The following WWOX variants were observed in gnomAD, a reference collection of about 807,000 sequenced individuals.
WWOX encodes the protein WW domain-containing oxidoreductase.
Under a neutral mutation model 46.2 loss-of-function variants are expected in WWOX, and 69 were observed. The observed-to-expected ratio is 1.49, with a 90% CI of 1.23 to 1.82. WWOX has a LOEUF of 1.82. Among genes scored for constraint, WWOX ranks in the 40% most tolerant of loss-of-function variants. The pLI is 0.00. For synonymous variants in WWOX, 359 were observed against 202.6 expected (o/e 1.77, Z -6.56); for missense variants, 919 against 542.6 (o/e 1.69, Z -6.89).
intron 5 of WWOX, among the ~76,000 whole-genome samples, chr16:78,332,131 C>G (rs1334853082): frequency 2.0e-5 from 3 of 152,114 alleles, no homozygotes; most frequent in African/African-American, 7.2e-5. Flanking sequence ...TGTGTTTGTA[C>G]CTTGTTTTGT....
Position 78,800,668 on chromosome 16 carries a change from C to G in WWOX, c.1056+367916C>G, listed in dbSNP as rs931836875. Among the ~76,000 whole-genome samples the G allele has an allele frequency of 6.6e-5, 10 of 152,204 alleles. No individual in the cohort carries two copies. The East Asian group carries it at 7.7e-4, about 12-fold the overall frequency. On this transcript the variant is annotated intron_variant, in intron 8 of 8. Coordinates refer to ENST00000566780, the MANE Select transcript of WWOX (RefSeq NM_016373.4). ...GGGGAAGCTGAGAACAGCAAAGATT[C>G]AACTGAAAACATTTTAGGGGGTTCC...
At position 78,826,688 on chromosome 16, in the gene WWOX, C is replaced by T. The variant is rs369579524; in HGVS notation, c.1057-384920C>T. 7.7e-4 allele frequency among the ~76,000 whole-genome samples: 117 copies of T among 152,272 alleles called. 1 individual carries two copies. The South Asian group carries it at 0.024, about 31-fold the overall frequency. On this transcript the variant is annotated intron_variant, in intron 8 of 8. Transcript: ENST00000566780. ...ATTACATCTGCAAAGACCTGATTCCCAATAAGCTTGCCTTCACAAGTTGCA... is the reference window on the plus strand; with the variant it reads ...ATTACATCTGCAAAGACCTGATTCCTAATAAGCTTGCCTTCACAAGTTGCA...
chr16:78,997,480 T>C (rs529116428), intron 8 of WWOX, among the ~76,000 whole-genome samples: 1 of 152,176 alleles, frequency 6.6e-6, no homozygotes, highest in Non-Finnish European at 1.5e-5. Context: ...TCTCTGGGCT[T>C]TCTACTCCAG....
At chr16:78,619,997 A>G (rs2046138489) in intron 8 of WWOX, among the ~76,000 whole-genome samples, 1 of 152,174 alleles carries the variant, frequency 6.6e-6, no homozygotes, top group African/African-American at 2.4e-5. Context: ...CTCCTGATTA[A>G]CCAAGTGAAA....
chr16:78,174,716 G>C (rs1475939461), intron 5 of WWOX, among the ~76,000 whole-genome samples: 2 of 152,158 alleles, frequency 1.3e-5, no homozygotes, highest in Admixed American at 1.3e-4. Context: ...GGCCGGGTGT[G>C]GTGGCTCACA....
chr16:78,609,922 G>A (rs139579471), intron 8 of WWOX, among the ~76,000 whole-genome samples: 3 of 152,222 alleles, frequency 2.0e-5, no homozygotes, highest in East Asian at 3.9e-4. Flanking sequence ...GAGCTTGTGC[G>A]TGTGTAGGGG....
intron 8 of WWOX, among the ~76,000 whole-genome samples, chr16:78,813,683 A>C (rs948311810): frequency 1.3e-5 from 2 of 152,144 alleles, no homozygotes; most frequent in African/African-American, 2.4e-5. Flanking sequence ...GAGATCAATC[A>C]CATTCATTCG....
chr16:78,558,844 C>G (rs2009835749), intron 8 of WWOX, among the ~76,000 whole-genome samples: 1 of 152,214 alleles, frequency 6.6e-6, no homozygotes, highest in African/African-American at 2.4e-5. Context: ...TGCCTGAATC[C>G]TAGACCCCTT....
At chr16:78,542,760 C>G (rs976954859) in intron 8 of WWOX, among the ~76,000 whole-genome samples, 3 of 152,222 alleles carry the variant, frequency 2.0e-5, no homozygotes, top group Admixed American at 2.0e-4. Context: ...GAATGCATTT[C>G]TGTGAGAAGT....
At chr16:78,492,612 C>A (rs2084811128) in intron 8 of WWOX, among the ~76,000 whole-genome samples, 1 of 152,156 alleles carries the variant, frequency 6.6e-6, no homozygotes, top group African/African-American at 2.4e-5. Context: ...TGTTTCTCCT[C>A]CTTTTCAAAG....
At chr16:78,335,787 A>T (rs552967677) in intron 5 of WWOX, among the ~76,000 whole-genome samples, 1 of 152,214 alleles carries the variant, frequency 6.6e-6, no homozygotes, top group South Asian at 2.1e-4. Flanking sequence ...TGGGCCCCAA[A>T]ACTTGCGTTT....
chr16:78,687,941 A>C (rs530308575), intron 8 of WWOX, among the ~76,000 whole-genome samples: 41 of 152,274 alleles, frequency 2.7e-4, no homozygotes, highest in African/African-American at 7.7e-4. Flanking sequence ...AATGAAAAAG[A>C]AAATGCAAGT....
intron 5 of WWOX, among the ~76,000 whole-genome samples, chr16:78,275,344 G>A (rs1006156527): frequency 2.6e-5 from 4 of 152,144 alleles, no homozygotes; most frequent in African/African-American, 9.7e-5. Flanking sequence ...TACGGTGGCC[G>A]CCCCAGTTGG....
chr16:79,094,766 A>G (rs2049035487), intron 8 of WWOX, among the ~76,000 whole-genome samples: 1 of 152,174 alleles, frequency 6.6e-6, no homozygotes, highest in South Asian at 2.1e-4. Flanking sequence ...CATTTAAAGG[A>G]GTTTTAAAGA....
intron 8 of WWOX, among the ~76,000 whole-genome samples, chr16:79,125,894 G>C (rs2049742916): frequency 1.3e-5 from 2 of 152,148 alleles, no homozygotes; most frequent in South Asian, 4.1e-4. Flanking sequence ...TCGAAGGCGT[G>C]GTTTCTTTAC....
chr16:78,519,747 G>A (rs543944965), intron 8 of WWOX, among the ~76,000 whole-genome samples: 1 of 152,132 alleles, frequency 6.6e-6, no homozygotes, highest in South Asian at 2.1e-4. Flanking sequence ...TACCATGTGA[G>A]GAGCCCACAA....
chr16:78,546,732 T>C (rs762197462), intron 8 of WWOX, among the ~76,000 whole-genome samples: 10 of 152,148 alleles, frequency 6.6e-5, no homozygotes, highest in Non-Finnish European at 1.3e-4. Context: ...TGATTGTCCA[T>C]GAACCACACT....
intron 8 of WWOX, among the ~76,000 whole-genome samples, chr16:78,661,799 GGCCGAGGCC>G (rs1470958774): frequency 6.6e-6 from 1 of 152,220 alleles, no homozygotes; most frequent in East Asian, 1.9e-4. Flanking sequence ...TGCTTTGAGA[GGCCGAGGCC>G]GGTGTATCGC....
intron 8 of WWOX, among the ~76,000 whole-genome samples, chr16:78,765,689 A>G (rs977343656): frequency 3.9e-5 from 6 of 152,144 alleles, no homozygotes; most frequent in Non-Finnish European, 5.9e-5. Context: ...AAAAAAAAGA[A>G]GAGTTGGATC....
Sources: allele counts gnomAD v4.1 joint callset (sites outside exome capture counted in the v4.1 genomes callset), GRCh38; gene constraint gnomAD v4.1.1; transcripts MANE v1.5; gene names NCBI Gene and HGNC (gene_info 2026-07-23, HGNC 2026-07-21).